Variants in KLHL24 observed in about 807,000 individuals in gnomAD.
The protein encoded by KLHL24 is kelch-like protein 24.
KLHL24 carries 29 observed loss-of-function variants against 53.4 expected under a neutral mutation model. The observed-to-expected ratio is 0.54, with a 90% CI of 0.40 to 0.74. The LOEUF (loss-of-function observed/expected upper bound fraction) is 0.74, where lower values mean the gene tolerates loss of function less well. Ranked by LOEUF, KLHL24 falls within the 30% of genes least tolerant of loss-of-function variation. The pLI, the probability that KLHL24 is intolerant of heterozygous loss-of-function variation, is 0.00. For missense variants in KLHL24, 504 were observed against 744.0 expected (o/e 0.68, Z 3.75); for synonymous variants, 222 against 253.7 (o/e 0.88, Z 1.19).
intron 1 of KLHL24, chr3:183,636,567 T>A (rs983228648): frequency 2.0e-5 from 3 of 152,212 alleles, no homozygotes; most frequent in Non-Finnish European, 4.4e-5. Context: ...ATTTAGTTCC[T>A]AATGGACCCG....
At chr3:183,675,557 T>C (rs1711697485) in intron 7 of KLHL24, among the ~76,000 whole-genome samples, 1 of 152,202 alleles carries the variant, frequency 6.6e-6, no homozygotes, top group Non-Finnish European at 1.5e-5. Context: ...TTGAGACTTA[T>C]TTCTAATTTT....
Position 183,671,325 on chromosome 3 carries a change from T to G in KLHL24, c.1413+103T>G, listed in dbSNP as rs576255146. 3.6e-4 allele frequency: 353 copies of G among 973,206 alleles called. 2 individuals are homozygous for G. Among genetic ancestry groups the G allele is most frequent in the Middle Eastern group, 5.0e-4 (2 of 4,014 alleles). 60.3% of individuals were successfully genotyped at this position (973,206 alleles called of 1,614,324 possible). On this transcript the variant is annotated intron_variant, in intron 6 of 7. Transcript: ENST00000242810. ...CCAGGTCACATAGTGTGAGGGGTCT[T>G]TTAAAAATTTTCTGGTACTATATGC...
At chr3:183,678,995 A>G in intron 7 of KLHL24, 91 bp from the exon 8 acceptor site, 1 of 957,804 alleles carries the variant, frequency 1.0e-6, no homozygotes, top group Non-Finnish European at 1.6e-6. Context: ...CTTTTTTTTG[A>G]CTGTGCTAAA....
chr3:183,642,602 CAAAAAAAAA>C (rs377410456), intron 1 of KLHL24, among the ~76,000 whole-genome samples: 53 of 92,966 alleles, frequency 5.7e-4, no homozygotes, highest in East Asian at 1.0e-3. Context: ...CCCCTTCCAC[CAAAAAAAAA>C]AAAAAAAAAA....
Position 183,664,949 on chromosome 3 carries a change from G to A in KLHL24, c.1134G>A (p.Trp378Ter). 1 of 1,611,132 alleles carries A rather than the reference G, an allele frequency of 6.2e-7. No individual in the cohort carries two copies. Among genetic ancestry groups the A allele is most frequent in the Non-Finnish European group, 8.5e-7 (1 of 1,177,850 alleles). The change falls in exon 5 of 8, where the codon TGG becomes TGA. Residue 378 changes from tryptophan (W) to a stop codon, truncating the protein, a stop_gained. Coordinates refer to ENST00000242810, the MANE Select transcript of KLHL24 (RefSeq NM_017644.3). LOFTEE classifies it high-confidence loss of function. ...GAAGAATCAACAGCCGTGATGTCTG[G>A]ATTTATAACTCACAGTTAAATATTT... is the stretch of plus-strand genomic sequence containing the variant. ...SGGRINSRDV[W>*]IYNSQLNIWI...
rs778173159 is a variant in KLHL24 at position 183,672,419 on chromosome 3, G to A, written c.1537G>A (p.Ala513Thr). ...LIYVAGGLTK[A>T]IYCYDPVEDY... ...CTATGTTGCCGGTGGACTGACCAAG[G>A]CAATATACTGTTACGATCCAGTTGA... The change falls in exon 7 of 8, where the codon GCA becomes ACA. Residue 513 changes from alanine to threonine, a missense_variant. Physicochemically the swap from Ala to Thr is moderately conservative, Grantham distance 58. Coordinates refer to ENST00000242810, the MANE Select transcript of KLHL24 (RefSeq NM_017644.3). The A allele has an allele frequency of 6.2e-7, 1 of 1,613,670 alleles. No individual in the cohort carries two copies. The highest frequency in any genetic ancestry group is 1.1e-5 in the South Asian group (1 of 91,022).
At chr3:183,656,512 A>G (rs1433049905) in intron 3 of KLHL24, among the ~76,000 whole-genome samples, 1 of 152,210 alleles carries the variant, frequency 6.6e-6, no homozygotes, top group Non-Finnish European at 1.5e-5. Context: ...AATACTTTTG[A>G]ACTCTGTAGA....
intron 3 of KLHL24, among the ~76,000 whole-genome samples, chr3:183,652,456 AAC>A (rs1479666338): frequency 1.3e-5 from 2 of 152,168 alleles, no homozygotes; most frequent in Non-Finnish European, 2.9e-5. Context: ...TGTGGTAAAA[AAC>A]ACATAACATA....
At chr3:183,654,035 A>G (rs1408083825) in intron 3 of KLHL24, among the ~76,000 whole-genome samples, 1 of 152,210 alleles carries the variant, frequency 6.6e-6, no homozygotes, top group Admixed American at 6.5e-5. Flanking sequence ...CTTCGACAGC[A>G]GTTCATTCCT....
At chr3:183,657,013 A>G (rs902189025) in intron 3 of KLHL24, among the ~76,000 whole-genome samples, 7 of 152,062 alleles carry the variant, frequency 4.6e-5, no homozygotes, top group Admixed American at 1.3e-4. Context: ...ACTGATTTCC[A>G]TATTTCCCAT....
rs35945634 is a variant in KLHL24 at position 183,646,361 on chromosome 3, CAAAAAAAA to C, written c.-62+2836_-62+2843del. On this transcript the variant is annotated intron_variant, in intron 2 of 7. Coordinates refer to ENST00000242810, the MANE Select transcript of KLHL24 (RefSeq NM_017644.3). ...TGGGTGACAGAACAAGACTCCATCT[CAAAAAAAA>C]AAAAAAAAAAAAAAAATCAACATAC... is the stretch of plus-strand genomic sequence containing the variant. Among the ~76,000 whole-genome samples the C allele has an allele frequency of 4.5e-5, 3 of 66,764 alleles. No homozygotes were observed. The East Asian group carries it at 1.2e-3, about 28-fold the overall frequency. The allele number at this position is 66,764 out of a possible 152,430, so 43.8% of individuals were successfully genotyped here.
At position 183,640,822 on chromosome 3, in the gene KLHL24, G is replaced by A. The variant is rs373347548; in HGVS notation, c.-124-2658G>A. 3.4e-4 allele frequency among the ~76,000 whole-genome samples: 51 copies of A among 151,990 alleles called. 1 individual carries two copies. The East Asian group carries it at 6.0e-3, about 18-fold the overall frequency. ...TCACTATGTTGGCCAGGCTGGTCTC[G>A]AACCCTTGACCTCGTGATCCGCCTG... On this transcript the variant is annotated intron_variant, in intron 1 of 7. Coordinates refer to ENST00000242810, the MANE Select transcript of KLHL24 (RefSeq NM_017644.3).
At chr3:183,641,980 G>A (rs1716518483) in intron 1 of KLHL24, among the ~76,000 whole-genome samples, 1 of 152,098 alleles carries the variant, frequency 6.6e-6, no homozygotes, top group African/African-American at 2.4e-5. Flanking sequence ...ACCCCATAAG[G>A]TATAATTCTA....
intron 4 of KLHL24, among the ~76,000 whole-genome samples, chr3:183,664,669 C>T (rs1324804082): frequency 6.6e-6 from 1 of 152,002 alleles, no homozygotes; most frequent in Non-Finnish European, 1.5e-5. Context: ...GTAAAATTCA[C>T]ATCCTATATT....
Position 183,667,532 on chromosome 3 carries a change from A to G in KLHL24, c.1224+2493A>G, listed in dbSNP as rs187268074. On this transcript the variant is annotated intron_variant, in intron 5 of 7. Coordinates refer to ENST00000242810, the MANE Select transcript of KLHL24 (RefSeq NM_017644.3). ...AGGGATATCTAGGTTGTGGCTGCTT[A>G]TGAGAATCTAATGCCTGATGATCTG... 3.9e-5 allele frequency among the ~76,000 whole-genome samples: 6 copies of G among 152,198 alleles called. No homozygotes were observed. In the East Asian group the frequency reaches 9.7e-4, roughly 25 times the overall value.
At chr3:183,658,045 T>A (rs952631482) in intron 3 of KLHL24, among the ~76,000 whole-genome samples, 1 of 152,154 alleles carries the variant, frequency 6.6e-6, no homozygotes, top group South Asian at 2.1e-4. Context: ...AAACCCCGTC[T>A]CTACTAAAAA....
At chr3:183,641,544 A>G (rs73054453) in intron 1 of KLHL24, among the ~76,000 whole-genome samples, 2,350 of 147,692 alleles carry the variant, frequency 0.016, 68 homozygotes, top group African/African-American at 0.054. Context: ...TTGAGTTACT[A>G]TATATCTTTC....
At chr3:183,662,004 G>A (rs1259661852) in intron 3 of KLHL24, among the ~76,000 whole-genome samples, 7 of 152,110 alleles carry the variant, frequency 4.6e-5, no homozygotes, top group Non-Finnish European at 1.0e-4. Context: ...TACTACTAAA[G>A]TATCTGGTGC....
chr3:183,655,403 G>T (rs1322441688), intron 3 of KLHL24, among the ~76,000 whole-genome samples: 4 of 151,956 alleles, frequency 2.6e-5, no homozygotes, highest in Admixed American at 6.6e-5. Flanking sequence ...AGGCATGGGG[G>T]TTGCTTGAGC....
Sources: gnomAD v4.1 joint callset for allele counts (sites outside exome capture counted in the v4.1 genomes callset) on GRCh38, gnomAD v4.1.1 for gene constraint, MANE v1.5 for transcripts, NCBI Gene and HGNC (gene_info 2026-07-23, HGNC 2026-07-21) for gene names.